Variants in ASIC2 observed in about 807,000 individuals in gnomAD.
ASIC2 encodes acid sensing ion channel subunit 2.
ASIC2 carries 25 observed loss-of-function variants against 57.3 expected under a neutral mutation model. That is an observed-to-expected ratio of 0.44 (90% CI 0.32 to 0.61). The LOEUF is 0.61. ASIC2 is among the 20% of genes least tolerant of loss of function. ASIC2 has a pLI of 0.06. For missense variants in ASIC2, 641 were observed against 738.1 expected (o/e 0.87, Z 1.52); for synonymous variants, 319 against 307.5 (o/e 1.04, Z -0.39).
chr17:33,458,378 G>A (rs1455678640), intron 1 of ASIC2, among the ~76,000 whole-genome samples: 1 of 152,130 alleles, frequency 6.6e-6, no homozygotes, highest in African/African-American at 2.4e-5. Flanking sequence ...TTTATTCCAG[G>A]ATCTGTAGGG....
chr17:33,740,446 GCCTC>G (rs1032165065), intron 1 of ASIC2, among the ~76,000 whole-genome samples: 3 of 152,194 alleles, frequency 2.0e-5, no homozygotes, highest in Non-Finnish European at 4.4e-5. Context: ...AAGGGGAAAA[GCCTC>G]TTATAAAACT....
intron 1 of ASIC2, among the ~76,000 whole-genome samples, chr17:34,134,951 C>T (rs756473687): frequency 1.3e-5 from 2 of 152,180 alleles, no homozygotes; most frequent in Non-Finnish European, 2.9e-5. Flanking sequence ...AATAGTAATG[C>T]CTTGAACTTT....
chr17:33,785,719 G>T (rs1911582567), intron 1 of ASIC2, among the ~76,000 whole-genome samples: 1 of 152,164 alleles, frequency 6.6e-6, no homozygotes, highest in African/African-American at 2.4e-5. Flanking sequence ...ATGGTCAAAT[G>T]GTCCAATGGT....
At chr17:33,573,820 C>A (rs868365702) in intron 1 of ASIC2, among the ~76,000 whole-genome samples, 2 of 152,190 alleles carry the variant, frequency 1.3e-5, no homozygotes, top group Non-Finnish European at 2.9e-5. Flanking sequence ...CCCGCCTCGG[C>A]CTCCCAAAGT....
chr17:33,244,611 T>C (rs1908626513), intron 1 of ASIC2, among the ~76,000 whole-genome samples: 1 of 152,254 alleles, frequency 6.6e-6, no homozygotes, highest in Non-Finnish European at 1.5e-5. Context: ...CGAGAATCTA[T>C]GCTCCCACTC....
chr17:33,722,910 G>T (rs1909431815), intron 1 of ASIC2, among the ~76,000 whole-genome samples: 1 of 152,150 alleles, frequency 6.6e-6, no homozygotes, highest in Admixed American at 6.5e-5. Context: ...TGGTTAAAAA[G>T]GCTGAAAAAT....
intron 1 of ASIC2, among the ~76,000 whole-genome samples, chr17:33,612,478 C>T (rs1353522035): frequency 6.6e-6 from 1 of 152,198 alleles, no homozygotes; most frequent in East Asian, 1.9e-4. Context: ...ATGCTCTACA[C>T]ATTTTGTCAC....
At chr17:33,371,348 C>T (rs1401789469) in intron 1 of ASIC2, among the ~76,000 whole-genome samples, 1 of 152,336 alleles carries the variant, frequency 6.6e-6, no homozygotes, top group South Asian at 2.1e-4. Context: ...GTTCAAATGC[C>T]TCTGACACAT....
At chr17:33,691,770 G>A (rs931180951) in intron 1 of ASIC2, among the ~76,000 whole-genome samples, 47 of 152,184 alleles carry the variant, frequency 3.1e-4, no homozygotes, top group African/African-American at 1.1e-3. Flanking sequence ...TATTTAGGAA[G>A]GTTTTCCACA....
chr17:34,096,856 CAAAAAAAAA>C (rs71286247), intron 1 of ASIC2, among the ~76,000 whole-genome samples: 4 of 30,112 alleles, frequency 1.3e-4, no homozygotes, highest in Non-Finnish European at 2.1e-4. Flanking sequence ...GACTCCATCT[CAAAAAAAAA>C]AAAAAAAAAA....
In ASIC2 at chr17:33,464,666, T is replaced by C. The variant is rs867534661; in HGVS notation, c.556-352599A>G. 8.3e-5 allele frequency among the ~76,000 whole-genome samples: 5 copies of C among 60,026 alleles called. No individual in the cohort carries two copies. In the Middle Eastern group the frequency reaches 0.022, roughly 269 times the overall value. 39.4% of individuals were successfully genotyped at this position (60,026 alleles called of 152,430 possible). On this transcript the variant is annotated intron_variant, in intron 1 of 9. Coordinates refer to the ASIC2 transcript ENST00000359872. ...TTTCTTCCTTTCTTCCTTCTCTCTC[T>C]CTCCCTCTCTCTCTCTCTCTCTATA...
At chr17:33,503,662 AG>A (rs1914166490) in intron 1 of ASIC2, among the ~76,000 whole-genome samples, 1 of 152,080 alleles carries the variant, frequency 6.6e-6, no homozygotes, top group Admixed American at 6.5e-5. Flanking sequence ...GAGCTCAGTG[AG>A]TGGTTGGATT....
intron 1 of ASIC2, among the ~76,000 whole-genome samples, chr17:34,102,575 A>G (rs1910905338): frequency 6.6e-6 from 1 of 152,168 alleles, no homozygotes. Flanking sequence ...TATGGCATAT[A>G]GCCTTTTGTG....
chr17:34,039,323 A>C, intron 1 of ASIC2: 1 of 1,613,900 alleles, frequency 6.2e-7, no homozygotes, highest in Non-Finnish European at 8.5e-7. Flanking sequence ...CCCGTAGATG[A>C]GGGACTGTTT....
chr17:34,005,342 G>A (rs773023469), intron 1 of ASIC2: 28 of 152,116 alleles, frequency 1.8e-4, no homozygotes, highest in African/African-American at 5.1e-4. Flanking sequence ...TTCTCGATAC[G>A]TTTCTATTAT....
chr17:33,639,103 T>C (rs1820467898), intron 1 of ASIC2, among the ~76,000 whole-genome samples: 1 of 151,836 alleles, frequency 6.6e-6, no homozygotes, highest in South Asian at 2.1e-4. Context: ...GAGCTCACCA[T>C]GGGGAGACCC....
chr17:33,569,077 G>T (rs1916344438), intron 1 of ASIC2: 1 of 152,258 alleles, frequency 6.6e-6, no homozygotes, highest in South Asian at 2.1e-4. Flanking sequence ...ATGAGAATAA[G>T]ATGGTGGAGA....
intron 1 of ASIC2, among the ~76,000 whole-genome samples, chr17:33,443,406 ATTTTTTTT>A (rs779597047): frequency 1.3e-5 from 1 of 75,232 alleles, no homozygotes; most frequent in African/African-American, 5.5e-5. Context: ...GGAGGGTAAG[ATTTTTTTT>A]TTTTTTTTTT....
intron 1 of ASIC2, among the ~76,000 whole-genome samples, chr17:33,333,206 A>G (rs1030038891): frequency 6.6e-6 from 1 of 152,268 alleles, no homozygotes; most frequent in Non-Finnish European, 1.5e-5. Flanking sequence ...CAATTTGGTG[A>G]TATAAATCAG....
Sources: gnomAD v4.1 joint callset for allele counts (sites outside exome capture counted in the v4.1 genomes callset) on GRCh38, gnomAD v4.1.1 for gene constraint, MANE v1.5 for transcripts, NCBI Gene and HGNC (gene_info 2026-07-23, HGNC 2026-07-21) for gene names.